Variants in COL4A4 observed in about 807,000 individuals in gnomAD.
COL4A4 encodes collagen type IV alpha 4 chain.
A neutral mutation model predicts 192.9 loss-of-function variants in COL4A4; 105 were observed. The ratio of observed to expected loss-of-function variants is 0.54; its 90% confidence interval spans 0.46 to 0.64. The LOEUF (loss-of-function observed/expected upper bound fraction) is 0.64, where lower values mean the gene tolerates loss of function less well. Among genes scored for constraint, COL4A4 ranks in the 30% least tolerant of loss-of-function variants. COL4A4 has a pLI of 0.00. For synonymous variants in COL4A4, 762 were observed against 769.9 expected (o/e 0.99, Z 0.17); for missense variants, 1,967 against 2,169.3 (o/e 0.91, Z 1.85).
the COL4A4 span, among the ~76,000 whole-genome samples, chr2:226,995,106 A>AG: frequency 6.6e-6 from 1 of 152,164 alleles, no homozygotes; most frequent in Non-Finnish European, 1.5e-5. Context: ...CATAAAAAAA[A>AG]AAAGACAATA....
chr2:226,977,994 T>C, the COL4A4 span, among the ~76,000 whole-genome samples: 1 of 152,256 alleles, frequency 6.6e-6, no homozygotes, highest in Non-Finnish European at 1.5e-5. Context: ...TATTTAAAGC[T>C]ATAAATGACT....
intron 6 of COL4A4, 21 bp downstream of exon 6, chr2:227,119,874 A>G (rs1286894542): frequency 6.4e-7 from 1 of 1,568,600 alleles, no homozygotes. Context: ...AAAAAAGTGG[A>G]GAAAATTTAG....
the COL4A4 span, chr2:226,997,128 G>C: frequency 2.0e-5 from 3 of 152,172 alleles, no homozygotes; most frequent in Admixed American, 1.3e-4. Flanking sequence ...GGAGCCTTGG[G>C]AGCTCTTTGG....
intron 7 of COL4A4, among the ~76,000 whole-genome samples, chr2:227,118,090 G>A (rs2061584577): frequency 6.6e-6 from 1 of 152,058 alleles, no homozygotes; most frequent in African/African-American, 2.4e-5. Flanking sequence ...GGGGTGACAG[G>A]CAGTGGTTAC....
rs998610773 is a variant in COL4A4 at position 227,059,598 on chromosome 2, C to T, written c.2190G>A (p.Pro730=). The change falls in exon 28 of 48, where the codon CCG becomes CCA. Residue 730 remains proline (P), a synonymous_variant. Transcript: ENST00000396625. ...PPGFRGDMGD[P]GFGGEKGSSP... is the part of the protein sequence containing the mutation. ...AGGACCCCTTTTCACCTCCAAAACC[C>T]GGATCTCCCATGTCACCACGAAAAC... 1.6e-5 allele frequency: 26 copies of T among 1,613,916 alleles called. No individual in the cohort carries two copies. The highest frequency in any genetic ancestry group is 2.2e-5 in the South Asian group (2 of 91,082).
At chr2:227,022,946 T>C (rs1372907192) in intron 43 of COL4A4, among the ~76,000 whole-genome samples, 5 of 152,086 alleles carry the variant, frequency 3.3e-5, no homozygotes, top group Non-Finnish European at 7.3e-5. Context: ...TGTTTGTTTG[T>C]TTAACTCCCA....
chr2:227,103,553 G>A (rs906810710), intron 13 of COL4A4, among the ~76,000 whole-genome samples: 1 of 152,238 alleles, frequency 6.6e-6, no homozygotes, highest in Non-Finnish European at 1.5e-5. Flanking sequence ...ACCAGCACTG[G>A]TAGCTGACAG....
intron 29 of COL4A4, among the ~76,000 whole-genome samples, chr2:227,056,769 C>T (rs1334070974): frequency 6.6e-6 from 1 of 152,146 alleles, no homozygotes; most frequent in African/African-American, 2.4e-5. Flanking sequence ...GGGCAGAGCC[C>T]TCATGAATAA....
chr2:227,059,411 C>T lies in COL4A4; in HGVS notation c.2377G>A (p.Ala793Thr). The change falls in exon 28 of 48, where the codon GCT becomes ACT. Residue 793 changes from alanine to threonine, a missense_variant. Coordinates refer to ENST00000396625, the MANE Select transcript of COL4A4 (RefSeq NM_000092.5). ...GPRGDPGCPGAEGPAGIPGFL... is the reference protein window; with the variant it reads ...GPRGDPGCPGTEGPAGIPGFL... ...GACAGCAAAGCCCTCATACCTTCAG[C>T]CCCTGGACATCCCGGATCACCTCTG... 2.5e-6 allele frequency: 4 copies of T among 1,613,972 alleles called. No individual in the cohort carries two copies. The highest frequency in any genetic ancestry group is 3.4e-6 in the Non-Finnish European group (4 of 1,179,864).
chr2:227,121,077 T>C lies in COL4A4; in HGVS notation c.264A>G (p.Ser88=), dbSNP rs746574978. ...PLGAPGPIGL[S]GEKGMRGDRG... The stretch of plus-strand genomic sequence containing the variant: ...GGTCCCCTCTCATTCCTTTCTCTCC[T>C]GAAAGCCCAATGGGTCCTGGGGCTC... The change falls in exon 5 of 48, where the codon TCA becomes TCG. Residue 88 remains serine (S), a synonymous_variant. Transcript: ENST00000396625. The C allele has an allele frequency of 6.2e-6, 10 of 1,614,068 alleles. No individual in the cohort carries two copies. The highest frequency in any genetic ancestry group is 1.1e-5 in the South Asian group (1 of 91,086).
intron 24 of COL4A4, 37 bp downstream of exon 24, chr2:227,080,406 A>C (rs377572909): frequency 6.4e-7 from 1 of 1,552,710 alleles, no homozygotes; most frequent in East Asian, 2.2e-5. Context: ...CCATATAAGA[A>C]AGTGAAATTC....
intron 4 of COL4A4, among the ~76,000 whole-genome samples, chr2:227,132,435 G>T (rs1034018948): frequency 2.0e-5 from 3 of 152,182 alleles, no homozygotes; most frequent in African/African-American, 7.2e-5. Flanking sequence ...CTTGCCGAAT[G>T]AATGGAAAGC....
At chr2:227,113,963 C>T (rs1289792765) in intron 8 of COL4A4, among the ~76,000 whole-genome samples, 2 of 152,190 alleles carry the variant, frequency 1.3e-5, no homozygotes, top group African/African-American at 4.8e-5. Context: ...ATCACTCATC[C>T]ATGGCTTCTC....
chr2:227,055,921 C>A, intron 30 of COL4A4, 24 bp downstream of exon 30: 1 of 1,605,038 alleles, frequency 6.2e-7, no homozygotes, highest in Non-Finnish European at 8.5e-7. Context: ...GATGGGAGGA[C>A]ATCATGGAAA....
At chr2:227,143,165 A>G (rs1188533783) in intron 3 of COL4A4, among the ~76,000 whole-genome samples, 1 of 152,224 alleles carries the variant, frequency 6.6e-6, no homozygotes. Context: ...AGTCTTCAAA[A>G]TCATTCCAAA....
At chr2:227,131,224 C>T (rs1163958058) in intron 4 of COL4A4, among the ~76,000 whole-genome samples, 1 of 150,958 alleles carries the variant, frequency 6.6e-6, no homozygotes, top group Non-Finnish European at 1.5e-5. Flanking sequence ...GGCACGATCT[C>T]GGCCCACTGC....
Position 227,060,381 on chromosome 2 carries a change from C to T in COL4A4, c.2057-138G>A, listed in dbSNP as rs6436650. 0.62 allele frequency: 380,645 copies of T among 618,366 alleles called. 119,642 individuals carry two copies. Among genetic ancestry groups the T allele is most frequent in the African/African-American group, 0.82 (43,455 of 53,292 alleles). 38.3% of individuals were successfully genotyped at this position (618,366 alleles called of 1,614,324 possible). ...ATGGAAGTAAGGATGTTGCCTATCC[C>T]GATTTACAAAAATATATTGTAAGTC... On this transcript the variant is annotated intron_variant, in intron 26 of 47. Transcript: ENST00000396625.
chr2:227,011,074 C>T (rs1963586743), intron 45 of COL4A4, among the ~76,000 whole-genome samples: 1 of 152,154 alleles, frequency 6.6e-6, no homozygotes, highest in African/African-American at 2.4e-5. Flanking sequence ...GAAGGAAGGC[C>T]TTGTTCTAGC....
intron 24 of COL4A4, among the ~76,000 whole-genome samples, chr2:227,079,859 C>T (rs1302998195): frequency 6.6e-6 from 1 of 152,170 alleles, no homozygotes; most frequent in Non-Finnish European, 1.5e-5. Flanking sequence ...ATTTTAAGTT[C>T]CTAAGCATCG....
Sources: allele counts gnomAD v4.1 joint callset (sites outside exome capture counted in the v4.1 genomes callset), GRCh38; gene constraint gnomAD v4.1.1; transcripts MANE v1.5; gene names NCBI Gene and HGNC (gene_info 2026-07-23, HGNC 2026-07-21).